The following FBXO28 variants were observed in gnomAD, a reference collection of about 807,000 sequenced individuals.
FBXO28 encodes F-box only protein 28.
Under a neutral mutation model 38.1 loss-of-function variants are expected in FBXO28, and 8 were observed. The ratio of observed to expected loss-of-function variants is 0.21; its 90% confidence interval spans 0.12 to 0.38. The LOEUF (loss-of-function observed/expected upper bound fraction) is 0.38. Ranked by LOEUF, FBXO28 falls within the 10% of genes least tolerant of loss-of-function variation. The pLI is 1.00. For synonymous variants in FBXO28, 168 were observed against 173.8 expected, an observed-to-expected ratio of 0.97 and a Z score of 0.26; for missense variants, 345 against 460.6, an observed-to-expected ratio of 0.75 and a Z score of 2.30.
At chr1:224,126,779 C>T (rs962092235) in intron 1 of FBXO28, among the ~76,000 whole-genome samples, 147 of 152,296 alleles carry the variant, frequency 9.7e-4, no homozygotes, top group African/African-American at 3.5e-3. Flanking sequence ...CACTGCACCC[C>T]AGCCTGGGCA....
intron 3 of FBXO28, among the ~76,000 whole-genome samples, chr1:224,134,629 A>G (rs564141783): frequency 1.3e-5 from 2 of 152,320 alleles, no homozygotes; most frequent in South Asian, 2.1e-4. Flanking sequence ...ACAACTTTAT[A>G]AACTTTCTGA....
rs975402562 is a variant in FBXO28, at chr1:224,130,018, A to G, written c.268-454A>G. ...AAAAAAAAAGAAATTACATGGTGTG[A>G]GAGATTCACCCACAGATACTGAATC... is the stretch of plus-strand genomic sequence containing the variant. On this transcript the variant is annotated intron_variant, in intron 1 of 4. Transcript: ENST00000366862. 7.6e-4 allele frequency among the ~76,000 whole-genome samples: 113 copies of G among 149,272 alleles called. 1 individual carries two copies. Among genetic ancestry groups the G allele is most frequent in the Non-Finnish European group, 8.8e-4 (59 of 67,296 alleles).
intron 3 of FBXO28, among the ~76,000 whole-genome samples, chr1:224,145,642 G>A (rs927891777): frequency 6.6e-6 from 1 of 152,086 alleles, no homozygotes; most frequent in Non-Finnish European, 1.5e-5. Context: ...GAATATTGAG[G>A]CCAGGCCTGG....
intron 1 of FBXO28, among the ~76,000 whole-genome samples, chr1:224,125,786 C>T (rs558332245): frequency 1.1e-4 from 17 of 152,054 alleles, no homozygotes; most frequent in African/African-American, 3.9e-4. Flanking sequence ...GAATTACAGG[C>T]GCCTGCCACC....
intron 1 of FBXO28, among the ~76,000 whole-genome samples, chr1:224,120,392 A>G (rs2102609387): frequency 6.6e-6 from 1 of 152,296 alleles, no homozygotes; most frequent in South Asian, 2.1e-4. Flanking sequence ...TATGTAGGTA[A>G]TATTTCTAAG....
chr1:224,142,839 G>A (rs1162652252), intron 3 of FBXO28, among the ~76,000 whole-genome samples: 2 of 151,596 alleles, frequency 1.3e-5, no homozygotes, highest in Non-Finnish European at 2.9e-5. Context: ...CCAGCCACTC[G>A]GGAGGCTGAG....
At chr1:224,128,534 C>T (rs1434786108) in intron 1 of FBXO28, among the ~76,000 whole-genome samples, 1 of 152,082 alleles carries the variant, frequency 6.6e-6, no homozygotes, top group Admixed American at 6.6e-5. Context: ...GTGTGTGTTT[C>T]GTTTAATCCT....
At chr1:224,147,199 C>T (rs1572022941) in intron 3 of FBXO28, among the ~76,000 whole-genome samples, 1 of 151,522 alleles carries the variant, frequency 6.6e-6, no homozygotes, top group South Asian at 2.1e-4. Flanking sequence ...CCGAGGCAGG[C>T]GGATCACAAG....
At chr1:224,130,113 G>A (rs1657001674) in intron 1 of FBXO28, among the ~76,000 whole-genome samples, 1 of 152,204 alleles carries the variant, frequency 6.6e-6, no homozygotes, top group Non-Finnish European at 1.5e-5. Context: ...AGGCCAAGGT[G>A]GGCAGATCAC....
chr1:224,135,002 G>A (rs894712570), intron 3 of FBXO28, among the ~76,000 whole-genome samples: 2 of 151,974 alleles, frequency 1.3e-5, no homozygotes, highest in Non-Finnish European at 2.9e-5. Context: ...TATTTAATAC[G>A]TACTTTGTCC....
Position 224,128,255 on chromosome 1 carries a change from A to T in FBXO28, c.268-2217A>T, listed in dbSNP as rs952715773. On this transcript the variant is annotated intron_variant, in intron 1 of 4. Coordinates refer to ENST00000366862, the MANE Select transcript of FBXO28 (RefSeq NM_015176.4). The stretch of plus-strand genomic sequence containing the variant: ...TTTATTATTATTATTATTTTTTTTT[A>T]TTTTATTTTTTTAACTGTCCATGTC... 4.3e-4 allele frequency among the ~76,000 whole-genome samples: 63 copies of T among 145,506 alleles called. 1 individual carries two copies. The highest frequency in any genetic ancestry group is 7.0e-4 in the Admixed American group (10 of 14,268).
chr1:224,147,909 T>C (rs958256800), intron 3 of FBXO28, among the ~76,000 whole-genome samples: 4 of 151,920 alleles, frequency 2.6e-5, no homozygotes, highest in Non-Finnish European at 5.9e-5. Flanking sequence ...TTTCTTAATA[T>C]ATACCTCTAA....
chr1:224,127,210 T>TGTG (rs1558188492), intron 1 of FBXO28, among the ~76,000 whole-genome samples: 1 of 138,660 alleles, frequency 7.2e-6, no homozygotes, highest in Non-Finnish European at 1.6e-5. Context: ...GTGTGTGTGT[T>TGTG]TATGTTTGGC....
chr1:224,129,774 G>A (rs1398399273), intron 1 of FBXO28, among the ~76,000 whole-genome samples: 1 of 152,138 alleles, frequency 6.6e-6, no homozygotes, highest in Admixed American at 6.6e-5. Flanking sequence ...CGGATCACAA[G>A]GTCAGGAGAT....
rs1306743433 is a variant in FBXO28, at chr1:224,130,456, T to C, written c.268-16T>C. The C allele has an allele frequency of 2.5e-6, 4 of 1,594,716 alleles. No individual in the cohort carries two copies. Among genetic ancestry groups the C allele is most frequent in the Non-Finnish European group, 2.6e-6 (3 of 1,163,546 alleles). ...TTAATTTGGTTATTGATTTTTGTTC[T>C]TTTTTCTCCTTGAAGGTTTGTAAAA... On this transcript the variant is annotated splice_polypyrimidine_tract_variant and intron_variant, in intron 1 of 4. Transcript: ENST00000366862.
intron 1 of FBXO28, among the ~76,000 whole-genome samples, chr1:224,115,980 T>C (rs746217973): frequency 4.6e-5 from 7 of 152,216 alleles, no homozygotes; most frequent in Non-Finnish European, 1.0e-4. Flanking sequence ...CCACAACTTA[T>C]GAATAAATGA....
Position 224,134,232 on chromosome 1 carries a change from C to A in FBXO28, c.516+20C>A. ...GGAAAGGTAAAATAGAATTGCTTGC[C>A]TAGAACAGCTGGACTGCCCTACATA... is the stretch of plus-strand genomic sequence containing the variant. On this transcript the variant is annotated intron_variant, in intron 3 of 4. Transcript: ENST00000366862. The A allele has an allele frequency of 6.2e-7, 1 of 1,610,048 alleles. No homozygotes were observed.
chr1:224,156,416 C>T (rs1447455796), intron 4 of FBXO28, among the ~76,000 whole-genome samples: 1 of 152,158 alleles, frequency 6.6e-6, no homozygotes, highest in African/African-American at 2.4e-5. Context: ...AACTTAAGAA[C>T]ACGATACAGG....
chr1:224,152,785 C>G (rs948919650), intron 3 of FBXO28, among the ~76,000 whole-genome samples: 6 of 151,910 alleles, frequency 3.9e-5, no homozygotes, highest in Middle Eastern at 3.4e-3. Flanking sequence ...AAAAATTAGC[C>G]ACGCGTGATG....
Sources: allele counts gnomAD v4.1 joint callset (sites outside exome capture counted in the v4.1 genomes callset), GRCh38; gene constraint gnomAD v4.1.1; transcripts MANE v1.5; gene names NCBI Gene and HGNC (gene_info 2026-07-23, HGNC 2026-07-21).